Variants in FAM171A1 observed in about 807,000 individuals in gnomAD.
The protein encoded by FAM171A1 is family with sequence similarity 171 member A1, also known as protein FAM171A1.
In FAM171A1, 23 loss-of-function variants were observed where a neutral mutation model predicts 74.9. The ratio of observed to expected loss-of-function variants is 0.31; its 90% CI spans 0.22 to 0.44. The LOEUF is 0.44. FAM171A1 is among the 20% of genes least tolerant of loss of function. FAM171A1 has a pLI of 1.00. For synonymous variants in FAM171A1, 527 were observed against 505.7 expected, an observed-to-expected ratio of 1.04 and a Z score of -0.57; for missense variants, 1,162 against 1,159.2, an observed-to-expected ratio of 1.00 and a Z score of -0.03.
intron 7 of FAM171A1, among the ~76,000 whole-genome samples, chr10:15,215,770 A>G (rs1373415188): frequency 6.6e-6 from 1 of 152,042 alleles, no homozygotes; most frequent in East Asian, 1.9e-4. Context: ...CTTTTTCATA[A>G]CTCCCCTTCT....
intron 1 of FAM171A1, among the ~76,000 whole-genome samples, chr10:15,365,453 A>G (rs1032133691): frequency 6.6e-6 from 1 of 152,202 alleles, no homozygotes; most frequent in Non-Finnish European, 1.5e-5. Context: ...GCAAAGATTA[A>G]TAAGTTCTGA....
intron 1 of FAM171A1, among the ~76,000 whole-genome samples, chr10:15,329,484 G>C (rs1306864659): frequency 6.6e-6 from 1 of 152,108 alleles, no homozygotes; most frequent in African/African-American, 2.4e-5. Flanking sequence ...AAATTAGCCA[G>C]GCACACCTGT....
intron 5 of FAM171A1, among the ~76,000 whole-genome samples, chr10:15,246,737 G>A (rs1341790036): frequency 6.6e-6 from 1 of 152,194 alleles, no homozygotes; most frequent in East Asian, 1.9e-4. Flanking sequence ...TGGCCAGGTT[G>A]GTCTCAAACT....
chr10:15,276,121 A>G (rs76210768), intron 2 of FAM171A1, among the ~76,000 whole-genome samples, 174 bp from the exon 3 acceptor site: 266 of 152,310 alleles, frequency 1.7e-3, no homozygotes, highest in African/African-American at 6.0e-3. Context: ...GTATTGCAGT[A>G]TCTCATATAA....
chr10:15,348,992 A>G (rs1419310212), intron 1 of FAM171A1, among the ~76,000 whole-genome samples: 1 of 152,202 alleles, frequency 6.6e-6, no homozygotes, highest in Non-Finnish European at 1.5e-5. Context: ...ACCATCTCAA[A>G]TTGTATCAAC....
intron 5 of FAM171A1, among the ~76,000 whole-genome samples, chr10:15,223,744 T>C (rs1390697504): frequency 1.3e-5 from 2 of 151,988 alleles, no homozygotes; most frequent in Admixed American, 6.6e-5. Context: ...ACTAAAACTA[T>C]GAAAATTAGC....
At chr10:15,331,875 G>GTATATATATATATATATATATATATA (rs1564281827) in intron 1 of FAM171A1, among the ~76,000 whole-genome samples, 2 of 46,438 alleles carry the variant, frequency 4.3e-5, no homozygotes, top group Admixed American at 2.5e-4. Context: ...ATATGTGTGT[G>GTATATATATATATATATATATATATA]TATACATATA....
chr10:15,297,801 CAGA>C (rs1181728086), intron 1 of FAM171A1, among the ~76,000 whole-genome samples: 1 of 152,174 alleles, frequency 6.6e-6, no homozygotes, highest in South Asian at 2.1e-4. Flanking sequence ...AGTTAAACAG[CAGA>C]AGTTCATTCT....
intron 1 of FAM171A1, among the ~76,000 whole-genome samples, chr10:15,324,985 G>A (rs1024036098): frequency 1.3e-5 from 2 of 152,232 alleles, no homozygotes; most frequent in Non-Finnish European, 1.5e-5. Flanking sequence ...GGCAAGGTGA[G>A]TGACAAGACT....
intron 1 of FAM171A1, among the ~76,000 whole-genome samples, chr10:15,323,414 T>A (rs1399140100): frequency 6.6e-6 from 1 of 151,832 alleles, no homozygotes. Context: ...GATCACGCCA[T>A]TGCACTCCAG....
chr10:15,315,927 C>G (rs1835416707), intron 1 of FAM171A1, among the ~76,000 whole-genome samples: 1 of 152,110 alleles, frequency 6.6e-6, no homozygotes, highest in Non-Finnish European at 1.5e-5. Flanking sequence ...ACATACACAA[C>G]CCCAGCTCCC....
In FAM171A1 at chr10:15,226,750, G is replaced by C. The variant is rs542550807; in HGVS notation, c.755-5690C>G. Among the ~76,000 whole-genome samples the C allele has an allele frequency of 2.8e-4, 42 of 152,104 alleles. No individual in the cohort carries two copies. In the Middle Eastern group the frequency reaches 0.01, roughly 37 times the overall value. On this transcript the variant is annotated intron_variant, in intron 5 of 7. Coordinates refer to ENST00000378116, the MANE Select transcript of FAM171A1 (RefSeq NM_001010924.2). The stretch of plus-strand genomic sequence containing the variant: ...AATGTCCTTAAGAATACAGAGGTGG[G>C]GATTATAAGTTGTTTGCTCTTGCGC...
At chr10:15,231,469 CTGGG>C (rs1834204210) in intron 5 of FAM171A1, among the ~76,000 whole-genome samples, 1 of 152,120 alleles carries the variant, frequency 6.6e-6, no homozygotes, top group Non-Finnish European at 1.5e-5. Context: ...TCTCAAAATG[CTGGG>C]ACTACAGGTG....
At position 15,283,858 on chromosome 10, in the gene FAM171A1, A is replaced by G; in HGVS notation, c.325+20T>C. On this transcript the variant is annotated intron_variant, in intron 2 of 7. Coordinates refer to ENST00000378116, the MANE Select transcript of FAM171A1 (RefSeq NM_001010924.2). The stretch of plus-strand genomic sequence containing the variant: ...CCAGCCAATGCCCTCTGTGTTAAAG[A>G]AAGATGAGGAACGCCTTACCAGGTA... The G allele has an allele frequency of 6.2e-7, 1 of 1,612,728 alleles. No homozygotes were observed. The highest frequency in any genetic ancestry group is 1.1e-5 in the South Asian group (1 of 91,040).
chr10:15,252,973 C>T (rs1834528941), intron 4 of FAM171A1, among the ~76,000 whole-genome samples: 1 of 152,062 alleles, frequency 6.6e-6, no homozygotes, highest in South Asian at 2.1e-4. Context: ...GTCCGGGAGG[C>T]TGGATGCTGG....
At position 15,265,222 on chromosome 10, in the gene FAM171A1, G is replaced by A. The variant is rs972581496; in HGVS notation, c.419-10343C>T. Among the ~76,000 whole-genome samples the A allele has an allele frequency of 4.6e-5, 7 of 152,160 alleles. No homozygotes were observed. In the East Asian group the frequency reaches 1.4e-3, roughly 29 times the overall value. ...TCATGCTTCTTGCTCCTCAGAGAGA[G>A]AAAGAGCTGCTCAAGTACTCGTGTG... On this transcript the variant is annotated intron_variant, in intron 3 of 7. Transcript: ENST00000378116.
chr10:15,302,404 G>A (rs1475298214), intron 1 of FAM171A1, among the ~76,000 whole-genome samples: 1 of 151,354 alleles, frequency 6.6e-6, no homozygotes, highest in Admixed American at 6.6e-5. Flanking sequence ...GGCGGAGGTC[G>A]CAGTGCGCCG....
At position 15,327,475 on chromosome 10, in the gene FAM171A1, C is replaced by A. The variant is rs565441197; in HGVS notation, c.98-43370G>T. On this transcript the variant is annotated intron_variant, in intron 1 of 7. Coordinates refer to ENST00000378116, the MANE Select transcript of FAM171A1 (RefSeq NM_001010924.2). ...GACCAGTGTGGGCAACAGGGTGAAA[C>A]CCCATCTCTACAAAAAAACATAGAA... is the stretch of plus-strand genomic sequence containing the variant. 7.9e-5 allele frequency among the ~76,000 whole-genome samples: 12 copies of A among 152,206 alleles called. No individual in the cohort carries two copies. The East Asian group carries it at 1.9e-3, about 24-fold the overall frequency.
intron 1 of FAM171A1, among the ~76,000 whole-genome samples, chr10:15,315,697 C>T (rs1308616171): frequency 6.6e-6 from 1 of 152,142 alleles, no homozygotes; most frequent in Non-Finnish European, 1.5e-5. Context: ...TGCTAGAAAG[C>T]CATCGCCTTA....
Sources: allele counts gnomAD v4.1 joint callset (sites outside exome capture counted in the v4.1 genomes callset), GRCh38; gene constraint gnomAD v4.1.1; transcripts MANE v1.5; gene names NCBI Gene and HGNC (gene_info 2026-07-23, HGNC 2026-07-21).